Variants in TACC2 observed in about 807,000 individuals in gnomAD.
TACC2 encodes the protein transforming acidic coiled-coil-containing protein 2.
A neutral mutation model predicts 227.3 loss-of-function variants in TACC2; 137 were observed. The observed-to-expected ratio is 0.60, with a 90% CI of 0.52 to 0.69. The LOEUF (loss-of-function observed/expected upper bound fraction) is 0.69, where lower values mean the gene tolerates loss of function less well. Ranked by LOEUF, TACC2 falls within the 30% of genes least tolerant of loss-of-function variation. The pLI is 0.00. For synonymous variants in TACC2, 1,523 were observed against 1,487.5 expected, an observed-to-expected ratio of 1.02 and a Z score of -0.55; for missense variants, 3,470 against 3,694.4, an observed-to-expected ratio of 0.94 and a Z score of 1.57.
intron 7 of TACC2, among the ~76,000 whole-genome samples, chr10:122,171,023 G>GTAGAT (rs138154704): frequency 6.6e-6 from 1 of 150,558 alleles, no homozygotes; most frequent in Non-Finnish European, 1.5e-5. Context: ...GCTGTGAGCA[G>GTAGAT]TAGATTAGGG....
intron 1 of TACC2, among the ~76,000 whole-genome samples, chr10:121,992,989 C>T (rs561598809): frequency 4.0e-5 from 6 of 151,666 alleles, no homozygotes; most frequent in East Asian, 3.9e-4. Context: ...ATAGCTGAAT[C>T]GAGACTTAGC....
intron 3 of TACC2, among the ~76,000 whole-genome samples, chr10:122,081,321 C>T (rs895296358): frequency 8.0e-5 from 12 of 149,440 alleles, no homozygotes; most frequent in African/African-American, 2.7e-4. Flanking sequence ...AGATCGAGAC[C>T]ATCCTGGCTA....
At chr10:122,219,431 G>T (rs779657481) in intron 11 of TACC2, among the ~76,000 whole-genome samples, 1 of 152,196 alleles carries the variant, frequency 6.6e-6, no homozygotes, top group Non-Finnish European at 1.5e-5. Flanking sequence ...CAAGAACTTT[G>T]TCAGGTTCAT....
intron 9 of TACC2, chr10:122,213,507 A>T: frequency 1.2e-6 from 1 of 867,990 alleles, no homozygotes; most frequent in Non-Finnish European, 1.9e-6. Context: ...GGGCCTGCGA[A>T]TGATGGGGCA....
At chr10:122,137,765 C>T (rs1335022381) in intron 6 of TACC2, among the ~76,000 whole-genome samples, 1 of 152,180 alleles carries the variant, frequency 6.6e-6, no homozygotes, top group Non-Finnish European at 1.5e-5. Flanking sequence ...GGGAGGGGCC[C>T]ACACCTGCAT....
At chr10:122,057,368 G>A (rs998321048) in intron 3 of TACC2, among the ~76,000 whole-genome samples, 2 of 152,108 alleles carry the variant, frequency 1.3e-5, no homozygotes, top group Non-Finnish European at 2.9e-5. Context: ...AATCCCAAGG[G>A]AGAACCCACA....
intron 1 of TACC2, among the ~76,000 whole-genome samples, chr10:122,003,381 T>C (rs1232744121): frequency 6.6e-6 from 1 of 152,224 alleles, no homozygotes; most frequent in Non-Finnish European, 1.5e-5. Context: ...ATTTTCCTTC[T>C]TTCATTTTCA....
chr10:122,067,293 T>C (rs1230100234), intron 3 of TACC2, among the ~76,000 whole-genome samples: 1 of 152,180 alleles, frequency 6.6e-6, no homozygotes, highest in Non-Finnish European at 1.5e-5. Flanking sequence ...TTTAGAAAAA[T>C]ATTTTGTCTG....
chr10:122,012,384 C>T lies in TACC2; in HGVS notation c.-45-9553C>T, dbSNP rs539634603. ...GCAGTGAGCCGAGATCACGCCACTG[C>T]ACTCCAGCCTGGTGCCAGAGCAAGA... On this transcript the variant is annotated intron_variant, in intron 1 of 22. Transcript: ENST00000369005. Among the ~76,000 whole-genome samples, 7 of 139,210 alleles carry T rather than the reference C, an allele frequency of 5.0e-5. No homozygotes were observed. In the East Asian group the frequency reaches 1.5e-3, roughly 29 times the overall value. The allele number at this position is 139,210 out of a possible 152,430, so 91.3% of individuals were successfully genotyped here. A position where few individuals can be genotyped will look rare whatever the true frequency, so the allele number is the denominator to read the frequency against.
chr10:122,193,328 G>T (rs2094469986), intron 7 of TACC2, among the ~76,000 whole-genome samples: 1 of 152,206 alleles, frequency 6.6e-6, no homozygotes, highest in Non-Finnish European at 1.5e-5. Context: ...ATTTTCTGAA[G>T]GGAACTCACC....
At chr10:122,061,506 G>A (rs998165474) in intron 3 of TACC2, among the ~76,000 whole-genome samples, 8 of 152,098 alleles carry the variant, frequency 5.3e-5, no homozygotes, top group Non-Finnish European at 7.4e-5. Flanking sequence ...TCACAGACCC[G>A]GGCTTGTGCT....
chr10:122,112,178 G>A (rs1247802488), intron 5 of TACC2, among the ~76,000 whole-genome samples: 2 of 152,138 alleles, frequency 1.3e-5, no homozygotes, highest in African/African-American at 4.8e-5. Context: ...TGGGAAGCCT[G>A]CTGTCTATAT....
intron 5 of TACC2, among the ~76,000 whole-genome samples, chr10:122,113,916 C>A (rs894105691): frequency 6.6e-6 from 1 of 152,246 alleles, no homozygotes; most frequent in Non-Finnish European, 1.5e-5. Flanking sequence ...CTGGGATTTG[C>A]TGCCCAGGCT....
chr10:122,083,214 G>A lies in TACC2; in HGVS notation c.714G>A (p.Glu238=). Reference sequence around the variant, plus strand: ...CTGCAGGTGGCTTTCCCCCTGCAGAGTCCAGGCAGGGGGTGGCTTCTGTGC... The same window carrying A: ...CTGCAGGTGGCTTTCCCCCTGCAGAATCCAGGCAGGGGGTGGCTTCTGTGC... ...KEAAGGFPPA[E]SRQGVASVQV... is the part of the protein sequence containing the mutation. The change falls in exon 4 of 23, where the codon GAG becomes GAA. Residue 238 remains glutamate (E), a synonymous_variant. Transcript: ENST00000369005. 1 of 1,613,564 alleles carries A rather than the reference G, an allele frequency of 6.2e-7. No individual in the cohort carries two copies.
At position 122,209,048 on chromosome 10, in the gene TACC2, C is replaced by T. The variant is rs1047367998; in HGVS notation, c.5972-1349C>T. 6.6e-6 allele frequency among the ~76,000 whole-genome samples: 1 copy of T among 152,226 alleles called. No homozygotes were observed. Among genetic ancestry groups the T allele is most frequent in the Non-Finnish European group, 1.5e-5 (1 of 68,046 alleles). ...GTAGGGTGGTGGCACCTTTGAGCAT[C>T]ATTTGGCCAACATTTGCAGCATCTG... On this transcript the variant is annotated intron_variant, in intron 8 of 22. Coordinates refer to ENST00000369005, the MANE Select transcript of TACC2 (RefSeq NM_206862.4). This position sits in a 1 kb window ranked among gnomAD's most constrained non-coding sequence, Gnocchi z 4.5.
chr10:122,121,802 G>A (rs556445259), intron 5 of TACC2, among the ~76,000 whole-genome samples: 1 of 152,166 alleles, frequency 6.6e-6, no homozygotes, highest in South Asian at 2.1e-4. Context: ...CTGCCCTGTT[G>A]TTGGTGGTCA....
At chr10:122,108,855 TC>T (rs775091019) in intron 5 of TACC2, among the ~76,000 whole-genome samples, 17 of 152,130 alleles carry the variant, frequency 1.1e-4, no homozygotes, top group Non-Finnish European at 1.5e-4. Flanking sequence ...TACCTCAGCC[TC>T]CCGAGTAGCT....
At chr10:122,055,036 A>G (rs1328367128) in intron 3 of TACC2, among the ~76,000 whole-genome samples, 1 of 152,194 alleles carries the variant, frequency 6.6e-6, no homozygotes, top group African/African-American at 2.4e-5. Flanking sequence ...CCCGGGCAAC[A>G]CAGTGAAACC....
At chr10:122,228,122 T>C (rs2095663156) in intron 14 of TACC2, 114 bp downstream of exon 14, 2 of 1,146,572 alleles carry the variant, frequency 1.7e-6, no homozygotes, top group African/African-American at 1.6e-5. Context: ...CTGCCATGGG[T>C]CCCACCCTGA....
Sources: allele counts gnomAD v4.1 joint callset (sites outside exome capture counted in the v4.1 genomes callset), GRCh38; gene constraint gnomAD v4.1.1; non-coding constraint Gnocchi (gnomAD v3.1); transcripts MANE v1.5; gene names NCBI Gene and HGNC (gene_info 2026-07-23, HGNC 2026-07-21).